Variants in KCND2 observed in about 807,000 individuals in gnomAD.
The protein encoded by KCND2 is A-type voltage-gated potassium channel KCND2.
Under a neutral mutation model 54.4 loss-of-function variants are expected in KCND2, and 16 were observed. The observed-to-expected ratio is 0.29, with a 90% CI of 0.20 to 0.45. KCND2 has a LOEUF of 0.45. Ranked by LOEUF, KCND2 falls within the 20% of genes least tolerant of loss-of-function variation. The pLI, the probability that KCND2 is intolerant of heterozygous loss-of-function variation, is 1.00. For synonymous variants in KCND2, 317 were observed against 310.7 expected (o/e 1.02, Z -0.21); for missense variants, 486 against 824.2 (o/e 0.59, Z 5.02).
At chr7:120,433,730 G>C (rs1426049292) in intron 1 of KCND2, among the ~76,000 whole-genome samples, 2 of 152,156 alleles carry the variant, frequency 1.3e-5, no homozygotes, top group African/African-American at 4.8e-5. Flanking sequence ...CATGAAAAGT[G>C]TAAGTTGAGC....
At chr7:120,398,825 G>A (rs1801198150) in intron 1 of KCND2, among the ~76,000 whole-genome samples, 1 of 151,998 alleles carries the variant, frequency 6.6e-6, no homozygotes, top group Admixed American at 6.6e-5. Context: ...ACCCTTAATG[G>A]ACTAAAGTAG....
intron 1 of KCND2, among the ~76,000 whole-genome samples, chr7:120,664,651 G>C (rs755857257): frequency 2.6e-5 from 4 of 152,044 alleles, no homozygotes; most frequent in Non-Finnish European, 5.9e-5. Flanking sequence ...TCAAGCACAA[G>C]TAAAATTATA....
At chr7:120,591,954 G>T (rs546100633) in intron 1 of KCND2, among the ~76,000 whole-genome samples, 1 of 152,302 alleles carries the variant, frequency 6.6e-6, no homozygotes, top group Admixed American at 6.5e-5. Flanking sequence ...ATAGCAACTG[G>T]TGGCTGCCAA....
intron 1 of KCND2, among the ~76,000 whole-genome samples, chr7:120,314,890 T>G (rs1028014961): frequency 6.6e-6 from 1 of 152,182 alleles, no homozygotes; most frequent in Non-Finnish European, 1.5e-5. Context: ...CTGTTATACC[T>G]TGCAAGCTTA....
intron 1 of KCND2, among the ~76,000 whole-genome samples, chr7:120,576,914 A>C (rs2116435531): frequency 6.6e-6 from 1 of 152,306 alleles, no homozygotes; most frequent in East Asian, 1.9e-4. Context: ...TGGGAGGCCA[A>C]GGCGGGCTGA....
At chr7:120,379,796 C>T (rs1288743104) in intron 1 of KCND2, among the ~76,000 whole-genome samples, 2 of 152,060 alleles carry the variant, frequency 1.3e-5, no homozygotes, top group Non-Finnish European at 2.9e-5. Context: ...AACTGAAAGA[C>T]TCCTGTCTAG....
At chr7:120,642,575 AAAAT>A (rs888506813) in intron 1 of KCND2, among the ~76,000 whole-genome samples, 16 of 149,674 alleles carry the variant, frequency 1.1e-4, no homozygotes, top group African/African-American at 2.9e-4. Context: ...AAAATAAAAA[AAAAT>A]ATATATATAT....
At chr7:120,662,502 G>A (rs562476118) in intron 1 of KCND2, among the ~76,000 whole-genome samples, 1 of 152,082 alleles carries the variant, frequency 6.6e-6, no homozygotes, top group South Asian at 2.1e-4. Context: ...CTACACAATG[G>A]ATCTCTCTAT....
rs1265991814 is a variant in KCND2, at chr7:120,728,049, G to A, written c.1116-4854G>A. Among the ~76,000 whole-genome samples the A allele has an allele frequency of 2.7e-5, 4 of 149,068 alleles. No individual in the cohort carries two copies. In the East Asian group the frequency reaches 8.2e-4, roughly 31 times the overall value. The stretch of plus-strand genomic sequence containing the variant: ...CTCAGAAGGCTGAGGCACGAGAATC[G>A]CTTGAACCCAGGAGGCAGAGGTTGC... On this transcript the variant is annotated intron_variant, in intron 1 of 5. Coordinates refer to ENST00000331113, the MANE Select transcript of KCND2 (RefSeq NM_012281.3).
At position 120,397,995 on chromosome 7, in the gene KCND2, GTATATATATATATATATATATATA is replaced by G. The variant is rs200944488; in HGVS notation, c.1115+122268_1115+122291del. 1.0e-3 allele frequency among the ~76,000 whole-genome samples: 94 copies of G among 93,124 alleles called. 1 individual carries two copies. Among genetic ancestry groups the G allele is most frequent in the African/African-American group, 4.1e-3 (92 of 22,690 alleles). 61.1% of individuals were successfully genotyped at this position (93,124 alleles called of 152,430 possible). A position where few individuals can be genotyped will look rare whatever the true frequency, so the allele number is the denominator to read the frequency against. ...TAAGTGTGTGTGTGTGTGTGTGTGT[GTATATATATATATATATATATATA>G]TATATATATATATATATATTTGCTC... On this transcript the variant is annotated intron_variant, in intron 1 of 5. Coordinates refer to ENST00000331113, the MANE Select transcript of KCND2 (RefSeq NM_012281.3).
intron 1 of KCND2, among the ~76,000 whole-genome samples, chr7:120,492,587 C>G (rs1192705032): frequency 1.3e-5 from 2 of 151,998 alleles, no homozygotes; most frequent in South Asian, 4.2e-4. Context: ...TCATAGATGG[C>G]ACCTTCTAGC....
intron 1 of KCND2, among the ~76,000 whole-genome samples, chr7:120,437,011 T>C (rs1250170901): frequency 6.6e-6 from 1 of 152,140 alleles, no homozygotes; most frequent in Non-Finnish European, 1.5e-5. Flanking sequence ...TCATTTTTGC[T>C]GCTCATTTTC....
chr7:120,310,474 A>T (rs1799721448), intron 1 of KCND2, among the ~76,000 whole-genome samples: 1 of 152,144 alleles, frequency 6.6e-6, no homozygotes, highest in Admixed American at 6.5e-5. Context: ...TAATTTGCAA[A>T]ATACTTATAT....
At chr7:120,623,603 TGA>T (rs1793130277) in intron 1 of KCND2, among the ~76,000 whole-genome samples, 1 of 152,224 alleles carries the variant, frequency 6.6e-6, no homozygotes, top group Non-Finnish European at 1.5e-5. Context: ...AACCAAACTT[TGA>T]GTATTAAAGT....
chr7:120,730,001 C>T (rs940206957), intron 1 of KCND2, among the ~76,000 whole-genome samples: 14 of 151,990 alleles, frequency 9.2e-5, no homozygotes, highest in African/African-American at 3.4e-4. Context: ...CTTGCCTATC[C>T]TATGACATAG....
intron 1 of KCND2, among the ~76,000 whole-genome samples, chr7:120,314,551 A>G (rs1428293929): frequency 1.3e-5 from 2 of 152,190 alleles, no homozygotes; most frequent in East Asian, 3.9e-4. Context: ...CATAAAGAAT[A>G]AATTATAAAT....
chr7:120,726,078 T>A (rs1337058458), intron 1 of KCND2, among the ~76,000 whole-genome samples: 1 of 152,152 alleles, frequency 6.6e-6, no homozygotes, highest in South Asian at 2.1e-4. Flanking sequence ...ATAATTTGGC[T>A]GAAACAAGAA....
intron 1 of KCND2, among the ~76,000 whole-genome samples, chr7:120,453,400 G>T (rs1802146188): frequency 6.6e-6 from 1 of 152,126 alleles, no homozygotes; most frequent in Non-Finnish European, 1.5e-5. Context: ...TCATGACACT[G>T]GTGGTCCCAT....
chr7:120,358,982 G>T (rs1800550269), intron 1 of KCND2, among the ~76,000 whole-genome samples: 1 of 152,082 alleles, frequency 6.6e-6, no homozygotes, highest in Admixed American at 6.6e-5. Context: ...CTGTTCTGTG[G>T]CATAGGTCAG....
Sources: allele counts gnomAD v4.1 joint callset (sites outside exome capture counted in the v4.1 genomes callset), GRCh38; gene constraint gnomAD v4.1.1; transcripts MANE v1.5; gene names NCBI Gene and HGNC (gene_info 2026-07-23, HGNC 2026-07-21).